The following CHODL variants were observed in gnomAD, a reference collection of about 807,000 sequenced individuals.
CHODL encodes chondrolectin.
A neutral mutation model predicts 34.5 loss-of-function variants in CHODL; 29 were observed. That is an observed-to-expected ratio of 0.84 (90% CI 0.63 to 1.15). CHODL has a LOEUF of 1.15. Ranked by LOEUF, CHODL falls within the 50% of genes most tolerant of loss-of-function variation. The probability of loss-of-function intolerance (pLI) is 0.00; values close to 1 mark genes in which losing one functional copy is unlikely to be tolerated. For synonymous variants in CHODL, 125 were observed against 116.1 expected (o/e 1.08, Z -0.49); for missense variants, 332 against 332.5 (o/e 1.00, Z 0.01).
chr21:18,007,382 A>G (rs758227680), intron 1 of CHODL, among the ~76,000 whole-genome samples: 2 of 152,214 alleles, frequency 1.3e-5, no homozygotes, highest in African/African-American at 2.4e-5. Flanking sequence ...TGTATTTACT[A>G]TACATTACTT....
intron 2 of CHODL, among the ~76,000 whole-genome samples, chr21:18,110,552 C>T (rs1227099684): frequency 6.8e-6 from 1 of 146,200 alleles, no homozygotes; most frequent in African/African-American, 2.5e-5. Context: ...TACCTGCCAA[C>T]ACCTACAGCT....
At chr21:18,013,469 A>C (rs1487077711) in intron 1 of CHODL, among the ~76,000 whole-genome samples, 1 of 151,830 alleles carries the variant, frequency 6.6e-6, no homozygotes, top group Non-Finnish European at 1.5e-5. Context: ...CTTCCATCTT[A>C]GGTTCTTGCC....
chr21:18,249,021 C>T (rs1183062873), intron 1 of CHODL, among the ~76,000 whole-genome samples: 32 of 104,240 alleles, frequency 3.1e-4, no homozygotes, highest in African/African-American at 1.5e-3. Flanking sequence ...ATATATTATA[C>T]ATAATATTAA....
chr21:18,041,512 A>G (rs1158460994), intron 2 of CHODL, among the ~76,000 whole-genome samples: 1 of 151,936 alleles, frequency 6.6e-6, no homozygotes, highest in Non-Finnish European at 1.5e-5. Flanking sequence ...ACTGAAATAT[A>G]TATAAAATTG....
rs2064502337 is a variant in CHODL, at chr21:18,050,651, T to C, written c.-45+22680T>C. 2.0e-5 allele frequency among the ~76,000 whole-genome samples: 3 copies of C among 151,920 alleles called. No homozygotes were observed. In the South Asian group the frequency reaches 6.2e-4, roughly 31 times the overall value. The stretch of plus-strand genomic sequence containing the variant: ...GACTCCCAGGTTTGAACACCTGAGA[T>C]GTTAGTGCTAGTGTGAAGGAGAAAA... On this transcript the variant is annotated intron_variant, in intron 2 of 6. Transcript: ENST00000400127.
intron 2 of CHODL, among the ~76,000 whole-genome samples, chr21:18,104,662 T>G (rs897174430): frequency 6.6e-6 from 1 of 152,174 alleles, no homozygotes; most frequent in Non-Finnish European, 1.5e-5. Context: ...AGACACAAGA[T>G]GCTAGTACTC....
intron 2 of CHODL, among the ~76,000 whole-genome samples, chr21:18,237,184 G>C (rs1318838023): frequency 6.6e-6 from 1 of 152,120 alleles, no homozygotes; most frequent in Non-Finnish European, 1.5e-5. Flanking sequence ...GGCAACACAA[G>C]ATGTGTGGTT....
rs1274922213 is a variant in CHODL at position 17,954,850 on chromosome 21, A to C, written c.-145+37450A>C. Among the ~76,000 whole-genome samples, 6 of 131,040 alleles carry C rather than the reference A, an allele frequency of 4.6e-5. 1 individual carries two copies. The East Asian group carries it at 1.3e-3, about 29-fold the overall frequency. The allele number at this position is 131,040 out of a possible 152,430, so 86.0% of individuals were successfully genotyped here. A position where few individuals can be genotyped will look rare whatever the true frequency, so the allele number is the denominator to read the frequency against. ...ATATTTATAAATATATATTTAAAAT[A>C]TAAATATATAATTCTTATATATTTA... On this transcript the variant is annotated intron_variant, in intron 1 of 6. Transcript: ENST00000400127.
At chr21:18,235,749 A>T (rs963999805) in intron 2 of CHODL, among the ~76,000 whole-genome samples, 1 of 152,170 alleles carries the variant, frequency 6.6e-6, no homozygotes, top group African/African-American at 2.4e-5. Flanking sequence ...TGCTATGACA[A>T]CCTGGAACAG....
rs1237029218 is a variant in CHODL, at chr21:18,032,971, G to A, written c.-45+5000G>A. Reference sequence around the variant, plus strand: ...AGTGAACAAAAGGGAACAAATTCTTGTTCTCATAAGCTTACATCATGGAAG... The same window carrying A: ...AGTGAACAAAAGGGAACAAATTCTTATTCTCATAAGCTTACATCATGGAAG... On this transcript the variant is annotated intron_variant, in intron 2 of 6. Coordinates refer to the CHODL transcript ENST00000400127. 2.6e-5 allele frequency among the ~76,000 whole-genome samples: 4 copies of A among 152,022 alleles called. No homozygotes were observed. In the East Asian group the frequency reaches 5.8e-4, roughly 22 times the overall value.
chr21:18,148,329 T>C (rs1275393462), intron 2 of CHODL, among the ~76,000 whole-genome samples: 1 of 152,214 alleles, frequency 6.6e-6, no homozygotes, highest in Non-Finnish European at 1.5e-5. Context: ...ATGCTATCTT[T>C]TGAAAAGATA....
intron 2 of CHODL, among the ~76,000 whole-genome samples, chr21:18,237,384 T>C (rs545146960): frequency 1.3e-5 from 2 of 152,218 alleles, no homozygotes; most frequent in African/African-American, 4.8e-5. Flanking sequence ...AACATTAACC[T>C]AAGATTCTAG....
chr21:17,986,960 G>C (rs905337383), intron 1 of CHODL, among the ~76,000 whole-genome samples: 1 of 152,152 alleles, frequency 6.6e-6, no homozygotes, highest in African/African-American at 2.4e-5. Flanking sequence ...GCCATGGGTG[G>C]CGAGAGGACA....
intron 2 of CHODL, among the ~76,000 whole-genome samples, chr21:18,074,463 T>A (rs1320503572): frequency 6.6e-6 from 1 of 152,170 alleles, no homozygotes; most frequent in Non-Finnish European, 1.5e-5. Flanking sequence ...AAAGTAGTAA[T>A]GTATATGAGG....
rs141546934 is a variant in CHODL, at chr21:17,970,607, T to A, written c.-145+53207T>A. Among the ~76,000 whole-genome samples the A allele has an allele frequency of 3.0e-3, 456 of 152,308 alleles. 4 individuals carry two copies. The highest frequency in any genetic ancestry group is 0.01 in the African/African-American group (430 of 41,558). ...CATTTTTTGTTTTTTAATTTTTTTT[T>A]ATTTTAATAGGTTTTTGGTGAACTA... On this transcript the variant is annotated intron_variant, in intron 1 of 6. Coordinates refer to the CHODL transcript ENST00000400127.
intron 2 of CHODL, among the ~76,000 whole-genome samples, chr21:18,185,476 A>G (rs967728298): frequency 6.6e-6 from 1 of 152,176 alleles, no homozygotes. Context: ...CACTGCTGCA[A>G]TAAACATACG....
intron 1 of CHODL, among the ~76,000 whole-genome samples, chr21:17,934,451 A>G (rs1052312195): frequency 7.1e-6 from 1 of 140,854 alleles, no homozygotes; most frequent in South Asian, 2.4e-4. Context: ...CTCTCTCCCT[A>G]TTAGTATAGA....
chr21:18,031,666 G>T (rs2064249812), intron 2 of CHODL, among the ~76,000 whole-genome samples: 1 of 152,040 alleles, frequency 6.6e-6, no homozygotes, highest in Non-Finnish European at 1.5e-5. Context: ...GGGGATGGTT[G>T]AATCCTGGAG....
chr21:18,230,665 A>C (rs1484698962), intron 2 of CHODL, among the ~76,000 whole-genome samples: 1 of 152,124 alleles, frequency 6.6e-6, no homozygotes, highest in African/African-American at 2.4e-5. Flanking sequence ...GCATTTCATA[A>C]ATATAAAGCT....
Sources: gnomAD v4.1 joint callset for allele counts (sites outside exome capture counted in the v4.1 genomes callset) on GRCh38, gnomAD v4.1.1 for gene constraint, MANE v1.5 for transcripts, NCBI Gene and HGNC (gene_info 2026-07-23, HGNC 2026-07-21) for gene names.